THSD7B: variants seen among roughly 807,000 people sequenced by gnomAD.
The protein encoded by THSD7B is thrombospondin type 1 domain containing 7B, also known as thrombospondin type-1 domain-containing protein 7B.
In THSD7B, 138 loss-of-function variants were observed where a neutral mutation model predicts 213.6. That is an observed-to-expected ratio of 0.65 (90% CI 0.56 to 0.74). The LOEUF (loss-of-function observed/expected upper bound fraction) is 0.74, where lower values mean the gene tolerates loss of function less well. Among genes scored for constraint, THSD7B ranks in the 30% least tolerant of loss-of-function variants. The probability of loss-of-function intolerance (pLI) is 0.00; values close to 1 mark genes in which losing one functional copy is unlikely to be tolerated. For missense variants in THSD7B, 1,931 were observed against 1,991.5 expected, an observed-to-expected ratio of 0.97 and a Z score of 0.58; for synonymous variants, 742 against 687.0, an observed-to-expected ratio of 1.08 and a Z score of -1.25.
intron 17 of THSD7B, among the ~76,000 whole-genome samples, chr2:137,578,631 C>T (rs1370851552): frequency 6.6e-6 from 1 of 152,206 alleles, no homozygotes; most frequent in East Asian, 1.9e-4. Context: ...CTAAAACATA[C>T]TTCAACACAT....
intron 17 of THSD7B, among the ~76,000 whole-genome samples, chr2:137,585,472 A>T (rs918913700): frequency 6.6e-6 from 1 of 151,986 alleles, no homozygotes; most frequent in African/African-American, 2.4e-5. Context: ...TCTTGTGGGC[A>T]TTTAGTGCTA....
At chr2:137,035,230 C>T (rs1686753839) in intron 2 of THSD7B, among the ~76,000 whole-genome samples, 1 of 152,168 alleles carries the variant, frequency 6.6e-6, no homozygotes, top group South Asian at 2.1e-4. Context: ...CTACTTCTAA[C>T]AGCCATTTAA....
intron 12 of THSD7B, among the ~76,000 whole-genome samples, chr2:137,404,349 A>C (rs1447500872): frequency 6.7e-6 from 1 of 149,680 alleles, no homozygotes; most frequent in African/African-American, 2.5e-5. Flanking sequence ...ATGCATGTTT[A>C]TAGCAGCACA....
At chr2:137,530,952 T>C (rs1021501542) in intron 15 of THSD7B, among the ~76,000 whole-genome samples, 3 of 152,014 alleles carry the variant, frequency 2.0e-5, no homozygotes, top group Admixed American at 1.3e-4. Flanking sequence ...GAACTTAACA[T>C]TGATCAGTTC....
intron 12 of THSD7B, among the ~76,000 whole-genome samples, chr2:137,356,933 G>GAC (rs1032467346): frequency 7.4e-6 from 1 of 134,952 alleles, no homozygotes; most frequent in African/African-American, 2.9e-5. Flanking sequence ...TCTTTTCCAA[G>GAC]ACACACACAC....
chr2:137,486,887 A>T (rs1688460101), intron 15 of THSD7B, among the ~76,000 whole-genome samples: 3 of 152,170 alleles, frequency 2.0e-5, no homozygotes, highest in Non-Finnish European at 4.4e-5. Context: ...CTGCTCCTGA[A>T]TGACTACTGG....
chr2:137,090,907 C>G (rs1045310941), intron 3 of THSD7B, among the ~76,000 whole-genome samples: 2 of 152,100 alleles, frequency 1.3e-5, no homozygotes, highest in Non-Finnish European at 2.9e-5. Flanking sequence ...AATAATATAT[C>G]GTGATGCAAA....
At chr2:137,079,591 T>G (rs1028203918) in intron 3 of THSD7B, among the ~76,000 whole-genome samples, 1 of 152,152 alleles carries the variant, frequency 6.6e-6, no homozygotes, top group East Asian at 1.9e-4. Flanking sequence ...ATTTTTAGCC[T>G]TTTGAAACCA....
chr2:137,328,974 A>G lies in THSD7B; in HGVS notation c.2500+52948A>G, dbSNP rs183075389. ...ATTACCCAGGCTCAGGCAGTTGTTT[A>G]TAGCAGTGTGAGAATGGACTAATGC... On this transcript the variant is annotated intron_variant, in intron 12 of 27. Transcript: ENST00000409968. Among the ~76,000 whole-genome samples, 128 of 152,306 alleles carry G rather than the reference A, an allele frequency of 8.4e-4. 1 individual carries two copies. Among genetic ancestry groups the G allele is most frequent in the South Asian group, 3.1e-3 (15 of 4,828 alleles).
chr2:137,359,233 A>C (rs1382275987), intron 12 of THSD7B, among the ~76,000 whole-genome samples: 4 of 152,196 alleles, frequency 2.6e-5, no homozygotes, highest in Non-Finnish European at 5.9e-5. Flanking sequence ...GGTCCTGGAA[A>C]GGAGCTACTT....
At chr2:137,600,762 T>C (rs1120586) in intron 17 of THSD7B, among the ~76,000 whole-genome samples, 34,473 of 151,882 alleles carry the variant, frequency 0.23, 4,587 homozygotes, top group African/African-American at 0.36. Flanking sequence ...AAAAACAAAA[T>C]TTAACTACAA....
chr2:137,599,813 T>C (rs191704058), intron 17 of THSD7B, among the ~76,000 whole-genome samples: 1 of 152,306 alleles, frequency 6.6e-6, no homozygotes, highest in East Asian at 1.9e-4. Context: ...GAGGATTTAG[T>C]GTATAACTAA....
At chr2:137,116,239 A>G (rs1324171137) in intron 5 of THSD7B, among the ~76,000 whole-genome samples, 3 of 152,248 alleles carry the variant, frequency 2.0e-5, no homozygotes, top group African/African-American at 7.2e-5. Flanking sequence ...CAGACTGCTT[A>G]GCATTTTGCT....
In THSD7B at chr2:137,241,872, G is replaced by A. The variant is rs887362472; in HGVS notation, c.2151-585G>A. ...TGCAGTGAGCCGAGATCGTGCCACT[G>A]CACTCCAGGCTAAGGGACAGAGTGA... On this transcript the variant is annotated intron_variant, in intron 9 of 27. Transcript: ENST00000409968. 2.0e-5 allele frequency among the ~76,000 whole-genome samples: 3 copies of A among 149,074 alleles called. No homozygotes were observed. In the Admixed American group the frequency reaches 2.0e-4, roughly 10 times the overall value.
At chr2:137,165,916 C>T (rs1390086678) in intron 6 of THSD7B, among the ~76,000 whole-genome samples, 3 of 151,924 alleles carry the variant, frequency 2.0e-5, no homozygotes, top group Admixed American at 6.6e-5. Context: ...TCCTAGTCAT[C>T]GTGTTATTGC....
intron 21 of THSD7B, among the ~76,000 whole-genome samples, chr2:137,643,779 G>C (rs1191911639): frequency 6.6e-6 from 1 of 152,122 alleles, no homozygotes; most frequent in African/African-American, 2.4e-5. Context: ...AGGAAGAAGA[G>C]AGAGGACAAA....
chr2:136,991,479 T>TG (rs1232694879), intron 2 of THSD7B, among the ~76,000 whole-genome samples: 2 of 152,170 alleles, frequency 1.3e-5, no homozygotes, highest in Non-Finnish European at 2.9e-5. Context: ...ACCTTTTTTT[T>TG]GTCATGAATA....
Position 137,454,567 on chromosome 2 carries a change from T to A in THSD7B, c.3138+3544T>A, listed in dbSNP as rs145854354. Reference sequence around the variant, plus strand: ...TTATGTATAGTAGAATCCCATGTGTTTGTTATACTGTACATAGAGCTTTGT... The same window carrying A: ...TTATGTATAGTAGAATCCCATGTGTATGTTATACTGTACATAGAGCTTTGT... On this transcript the variant is annotated intron_variant, in intron 15 of 27. Transcript: ENST00000409968. Among the ~76,000 whole-genome samples, 95 of 152,258 alleles carry A rather than the reference T, an allele frequency of 6.2e-4. 1 individual carries two copies. The highest frequency in any genetic ancestry group is 2.2e-3 in the African/African-American group (92 of 41,576).
intron 3 of THSD7B, among the ~76,000 whole-genome samples, chr2:137,076,660 A>T (rs1193413312): frequency 7.9e-5 from 12 of 152,152 alleles, no homozygotes. Flanking sequence ...AAATGCAGAA[A>T]TCACCCATCT....
Sources: allele counts gnomAD v4.1 joint callset (sites outside exome capture counted in the v4.1 genomes callset), GRCh38; gene constraint gnomAD v4.1.1; transcripts MANE v1.5; gene names NCBI Gene and HGNC (gene_info 2026-07-23, HGNC 2026-07-21).